The following GRID2 variants were observed in gnomAD, a reference collection of about 807,000 sequenced individuals.
GRID2 encodes the protein glutamate ionotropic receptor delta type subunit 2.
GRID2 carries 33 observed loss-of-function variants against 114.8 expected under a neutral mutation model. The ratio of observed to expected loss-of-function variants is 0.29; its 90% CI spans 0.22 to 0.38. The LOEUF is 0.38. Ranked by LOEUF, GRID2 falls within the 10% of genes least tolerant of loss-of-function variation. The pLI is 1.00. For missense variants in GRID2, 1,184 were observed against 1,257.7 expected (o/e 0.94, Z 0.89); for synonymous variants, 505 against 449.9 (o/e 1.12, Z -1.55).
intron 2 of GRID2, among the ~76,000 whole-genome samples, chr4:92,594,248 G>A (rs1728845086): frequency 6.6e-6 from 1 of 151,718 alleles, no homozygotes; most frequent in East Asian, 1.9e-4. Flanking sequence ...AAAAGTAGCA[G>A]ATTTATGTTT....
intron 14 of GRID2, among the ~76,000 whole-genome samples, chr4:93,633,158 G>A (rs1223372864): frequency 1.3e-5 from 2 of 151,812 alleles, no homozygotes; most frequent in Non-Finnish European, 2.9e-5. Flanking sequence ...TCCATAAATA[G>A]CTACTTTTAT....
chr4:92,919,264 A>C (rs555782350), intron 2 of GRID2, among the ~76,000 whole-genome samples: 6 of 152,022 alleles, frequency 3.9e-5, no homozygotes, highest in African/African-American at 1.4e-4. Flanking sequence ...TAGTCTTGGT[A>C]GCTGTCTATC....
chr4:93,449,091 G>T (rs947641300), intron 10 of GRID2, among the ~76,000 whole-genome samples: 1 of 145,350 alleles, frequency 6.9e-6, no homozygotes, highest in Non-Finnish European at 1.5e-5. Flanking sequence ...TCTTTACATT[G>T]TAATATTATT....
chr4:92,327,766 C>T (rs550210275), intron 1 of GRID2, among the ~76,000 whole-genome samples: 12 of 151,764 alleles, frequency 7.9e-5, no homozygotes, highest in Admixed American at 1.3e-4. Context: ...TCCTCTAATC[C>T]GCAAGACATT....
rs190931318 is a variant in GRID2, at chr4:93,456,557, A to T, written c.1858+583A>T. 1.4e-4 allele frequency among the ~76,000 whole-genome samples: 21 copies of T among 152,314 alleles called. No homozygotes were observed. In the East Asian group the frequency reaches 4.1e-3, roughly 29 times the overall value. ...TCATTGCTCTGTTATTTAATATCCAATCTGCCCAACTCTTTAAACTTGTCC... is the reference window on the plus strand; with the variant it reads ...TCATTGCTCTGTTATTTAATATCCATTCTGCCCAACTCTTTAAACTTGTCC... On this transcript the variant is annotated intron_variant, in intron 11 of 15. Transcript: ENST00000282020.
chr4:92,839,510 T>TAA (rs1420727531), intron 2 of GRID2, among the ~76,000 whole-genome samples: 1 of 151,016 alleles, frequency 6.6e-6, no homozygotes, highest in Non-Finnish European at 1.5e-5. Context: ...TTTTTAAAAT[T>TAA]AAAAAGTTTT....
At chr4:93,434,736 G>A (rs1177513408) in intron 10 of GRID2, among the ~76,000 whole-genome samples, 1 of 152,022 alleles carries the variant, frequency 6.6e-6, no homozygotes, top group East Asian at 1.9e-4. Flanking sequence ...TCATTTTCCT[G>A]CTAGAAGACT....
chr4:92,857,177 A>G (rs916100272), intron 2 of GRID2, among the ~76,000 whole-genome samples: 4 of 152,172 alleles, frequency 2.6e-5, no homozygotes, highest in African/African-American at 9.7e-5. Flanking sequence ...AGACAAAACA[A>G]GGTTGAAATT....
chr4:93,569,730 G>T (rs936937722), intron 13 of GRID2, among the ~76,000 whole-genome samples: 25 of 151,994 alleles, frequency 1.6e-4, no homozygotes, highest in African/African-American at 6.0e-4. Context: ...AGCCGCACTG[G>T]TCTTTGTTTT....
chr4:93,661,192 C>T (rs1458528812), intron 14 of GRID2, among the ~76,000 whole-genome samples: 1 of 152,186 alleles, frequency 6.6e-6, no homozygotes, highest in East Asian at 1.9e-4. Flanking sequence ...TTTGTAACCT[C>T]CAAATCAGTT....
chr4:92,890,195 C>T (rs1007163667), intron 2 of GRID2, among the ~76,000 whole-genome samples: 4 of 152,140 alleles, frequency 2.6e-5, no homozygotes, highest in African/African-American at 9.7e-5. Context: ...TCATTCAGGA[C>T]GTAGGTGTGG....
chr4:92,551,759 T>C (rs923216193), intron 1 of GRID2, among the ~76,000 whole-genome samples: 3 of 151,952 alleles, frequency 2.0e-5, no homozygotes, highest in African/African-American at 4.8e-5. Context: ...ACATGTTGCA[T>C]TGGTTGGAGA....
chr4:93,430,208 T>C (rs1164721684), intron 10 of GRID2, among the ~76,000 whole-genome samples: 2 of 152,098 alleles, frequency 1.3e-5, no homozygotes, highest in Non-Finnish European at 2.9e-5. Flanking sequence ...AGAGATGGAG[T>C]CCCACTCTGT....
At chr4:93,589,193 C>G in intron 13 of GRID2, among the ~76,000 whole-genome samples, 1 of 116,718 alleles carries the variant, frequency 8.6e-6, no homozygotes, top group Admixed American at 9.9e-5. Context: ...CAATGCTATC[C>G]CTCCCCCCTC....
intron 11 of GRID2, among the ~76,000 whole-genome samples, chr4:93,476,287 C>T (rs1033326921): frequency 6.6e-6 from 1 of 151,974 alleles, no homozygotes; most frequent in African/African-American, 2.4e-5. Flanking sequence ...ATAAAAAATA[C>T]ATGAAATGTT....
chr4:93,229,859 G>T (rs1262347677), intron 7 of GRID2, among the ~76,000 whole-genome samples: 1 of 152,046 alleles, frequency 6.6e-6, no homozygotes, highest in Non-Finnish European at 1.5e-5. Flanking sequence ...TGAATCGGTA[G>T]AATAAGTGCC....
At position 93,483,049 on chromosome 4, in the gene GRID2, A is replaced by G. The variant is rs893680242; in HGVS notation, c.1859-7590A>G. ...CAATACTTATATAAAGGTGACTGGC[A>G]TAAATGAAGCATTTCAGAGATGATA... On this transcript the variant is annotated intron_variant, in intron 11 of 15. Coordinates refer to ENST00000282020, the MANE Select transcript of GRID2 (RefSeq NM_001510.4). Among the ~76,000 whole-genome samples, 48 of 152,058 alleles carry G rather than the reference A, an allele frequency of 3.2e-4. 1 individual carries two copies. The highest frequency in any genetic ancestry group is 1.3e-4 in the Non-Finnish European group (9 of 67,972).
At chr4:92,355,268 T>C (rs1579229399) in intron 1 of GRID2, among the ~76,000 whole-genome samples, 2 of 151,994 alleles carry the variant, frequency 1.3e-5, no homozygotes, top group Non-Finnish European at 2.9e-5. Context: ...TTTCTCTTCT[T>C]TGAAATGGAT....
At chr4:92,745,114 T>A (rs938933334) in intron 2 of GRID2, among the ~76,000 whole-genome samples, 7 of 152,160 alleles carry the variant, frequency 4.6e-5, no homozygotes, top group Non-Finnish European at 1.0e-4. Context: ...AACAGAAACA[T>A]AACATGAGTG....
Sources: gnomAD v4.1 joint callset for allele counts (sites outside exome capture counted in the v4.1 genomes callset) on GRCh38, gnomAD v4.1.1 for gene constraint, MANE v1.5 for transcripts, NCBI Gene and HGNC (gene_info 2026-07-23, HGNC 2026-07-21) for gene names.